Variants in LRRC37A2 observed in about 807,000 individuals in gnomAD.
LRRC37A2 encodes leucine rich repeat containing 37 member A2, also known as leucine-rich repeat-containing protein 37A2.
In LRRC37A2, 9 loss-of-function variants were observed where a neutral mutation model predicts 68.8. The ratio of observed to expected loss-of-function variants is 0.13; its 90% CI spans 0.08 to 0.23. The LOEUF is 0.23. Among genes scored for constraint, LRRC37A2 ranks in the 10% least tolerant of loss-of-function variants. The probability of loss-of-function intolerance (pLI) is 1.00; values close to 1 mark genes in which losing one functional copy is unlikely to be tolerated. For synonymous variants in LRRC37A2, 63 were observed against 367.6 expected (o/e 0.17, Z 9.48); for missense variants, 168 against 950.4 (o/e 0.18, Z 10.82).
the LRRC37A2 span, among the ~76,000 whole-genome samples, chr17:46,823,892 T>TGTCA: frequency 5.9e-5 from 9 of 152,238 alleles, no homozygotes; most frequent in Admixed American, 4.6e-4. Context: ...TGTAGGGAGC[T>TGTCA]GTCAGCGTTA....
chr17:46,715,317 T>G, the LRRC37A2 span, among the ~76,000 whole-genome samples: 1 of 152,222 alleles, frequency 6.6e-6, no homozygotes, highest in Non-Finnish European at 1.5e-5. Context: ...GTGATTTCCC[T>G]AGAGTAGGTA....
At chr17:46,925,160 A>G in the LRRC37A2 span, among the ~76,000 whole-genome samples, 1 of 152,198 alleles carries the variant, frequency 6.6e-6, no homozygotes, top group Non-Finnish European at 1.5e-5. Context: ...TAAATATTTT[A>G]GGCTCTGTGG....
At chr17:46,769,230 T>C in the LRRC37A2 span, among the ~76,000 whole-genome samples, 2 of 149,854 alleles carry the variant, frequency 1.3e-5, no homozygotes, top group African/African-American at 5.0e-5. Context: ...GCCGGAGAAT[T>C]GCTTGAACTC....
the LRRC37A2 span, among the ~76,000 whole-genome samples, chr17:46,748,017 A>G: frequency 1.3e-5 from 2 of 152,348 alleles, no homozygotes; most frequent in African/African-American, 4.8e-5. Flanking sequence ...AAAAGGTTAG[A>G]AACAAAAGAT....
chr17:46,812,605 T>C, the LRRC37A2 span, among the ~76,000 whole-genome samples: 1 of 152,212 alleles, frequency 6.6e-6, no homozygotes, highest in Admixed American at 6.5e-5. Flanking sequence ...AGCAACCTTC[T>C]CTACCCTGCC....
At chr17:47,031,641 T>C in the LRRC37A2 span, among the ~76,000 whole-genome samples, 1 of 145,574 alleles carries the variant, frequency 6.9e-6, no homozygotes, top group Non-Finnish European at 1.5e-5. Flanking sequence ...TATATTGGCT[T>C]GTCTATGGCA....
the LRRC37A2 span, among the ~76,000 whole-genome samples, chr17:46,893,304 C>T: frequency 0.035 from 5,269 of 152,228 alleles, 106 homozygotes; most frequent in Middle Eastern, 0.065. Context: ...CATAGCAATC[C>T]AGCAACATGT....
chr17:47,021,149 G>C, the LRRC37A2 span, among the ~76,000 whole-genome samples: 1 of 152,264 alleles, frequency 6.6e-6, no homozygotes, highest in East Asian at 1.9e-4. Context: ...TACACAATGA[G>C]GTATGGAAAG....
the LRRC37A2 span, among the ~76,000 whole-genome samples, chr17:46,753,915 T>G: frequency 2.0e-5 from 3 of 152,214 alleles, no homozygotes; most frequent in Non-Finnish European, 4.4e-5. Context: ...TCGTGGTACC[T>G]CTCTGTTCAC....
chr17:46,892,483 C>A, the LRRC37A2 span, among the ~76,000 whole-genome samples: 8 of 152,330 alleles, frequency 5.3e-5, no homozygotes, highest in Non-Finnish European at 8.8e-5. Flanking sequence ...TCCTGCTCAG[C>A]CTTAAAGACT....
At chr17:46,929,562 G>A in the LRRC37A2 span, 96 of 1,549,656 alleles carry the variant, frequency 6.2e-5, no homozygotes, top group African/African-American at 1.2e-3. Flanking sequence ...GCCTGGAGAC[G>A]GCAGACAAGC....
At chr17:46,992,370 G>GA in the LRRC37A2 span, among the ~76,000 whole-genome samples, 16 of 150,260 alleles carry the variant, frequency 1.1e-4, no homozygotes, top group African/African-American at 2.2e-4. Context: ...TCCGTCTCGG[G>GA]AAAAAAAAAT....
At chr17:46,740,430 T>C in the LRRC37A2 span, among the ~76,000 whole-genome samples, 1 of 152,124 alleles carries the variant, frequency 6.6e-6, no homozygotes. Context: ...AAAAATTAAA[T>C]TAGAAAGGAG....
chr17:46,539,913 T>G (rs1189548759), intron 6 of LRRC37A2, among the ~76,000 whole-genome samples: 1 of 146,346 alleles, frequency 6.8e-6, no homozygotes, highest in Non-Finnish European at 1.5e-5. Context: ...ACCTGAAAAG[T>G]TCTGTGGCAT....
chr17:46,940,094 C>T, the LRRC37A2 span: 16 of 1,144,218 alleles, frequency 1.4e-5, no homozygotes, highest in East Asian at 5.2e-5. Context: ...TCTTATTTCC[C>T]TTCCTTTCTG....
chr17:46,621,091 A>T, the LRRC37A2 span, among the ~76,000 whole-genome samples: 1 of 105,518 alleles, frequency 9.5e-6, no homozygotes, highest in African/African-American at 4.1e-5. Context: ...GAGCAAGACT[A>T]TCTCTCAAAA....
chr17:47,033,322 G>A, the LRRC37A2 span: 4 of 697,942 alleles, frequency 5.7e-6, no homozygotes, highest in Non-Finnish European at 1.0e-5. Flanking sequence ...GCATTTACGT[G>A]ATGCAGTCCG....
At chr17:46,979,295 C>T in the LRRC37A2 span, 2 of 262,144 alleles carry the variant, frequency 7.6e-6, no homozygotes, top group Non-Finnish European at 1.5e-5. Context: ...GCCTGGCCGC[C>T]CCTCCCCTAG....
chr17:46,902,461 C>CGTGT, the LRRC37A2 span, among the ~76,000 whole-genome samples: 4,772 of 148,070 alleles, frequency 0.032, 127 homozygotes, highest in African/African-American at 0.073. Flanking sequence ...GGGAACAGTG[C>CGTGT]GTGTGTGTGT....
Sources: allele counts gnomAD v4.1 joint callset (sites outside exome capture counted in the v4.1 genomes callset), GRCh38; gene constraint gnomAD v4.1.1; transcripts MANE v1.5; gene names NCBI Gene and HGNC (gene_info 2026-07-23, HGNC 2026-07-21).